PIGA: variants seen among roughly 807,000 people sequenced by gnomAD.
PIGA encodes the protein phosphatidylinositol glycan anchor biosynthesis class A.
A neutral mutation model predicts 17.1 loss-of-function variants in PIGA; 3 were observed. The ratio of observed to expected loss-of-function variants is 0.18; its 90% CI spans 0.08 to 0.45. PIGA has a LOEUF of 0.45. Ranked by LOEUF, PIGA falls within the 20% of genes least tolerant of loss-of-function variation. The pLI is 0.99. For missense variants in PIGA, 231 were observed against 374.1 expected, an observed-to-expected ratio of 0.62 and a Z score of 3.16; for synonymous variants, 126 against 135.1, an observed-to-expected ratio of 0.93 and a Z score of 0.47.
chrX:15,334,645 C>G (rs1417455069), intron 1 of PIGA, among the ~76,000 whole-genome samples: 3 of 111,793 alleles, frequency 2.7e-5, no homozygotes, highest in Non-Finnish European at 5.6e-5. Context: ...CACCTAAACC[C>G]GAACTTCCAG....
chrX:15,329,646 T>C (rs1227077038), intron 2 of PIGA, among the ~76,000 whole-genome samples: 1 of 111,540 alleles, frequency 9.0e-6, no homozygotes, highest in Non-Finnish European at 1.9e-5. Context: ...TTCCCTACTA[T>C]AAATGACACT....
chrX:15,333,403 G>A (rs1269149585), intron 1 of PIGA, among the ~76,000 whole-genome samples: 3 of 112,102 alleles, frequency 2.7e-5, no homozygotes, highest in African/African-American at 6.5e-5. Context: ...TATTTAGGCC[G>A]GGTGCGGTGG....
At position 15,321,528 on chromosome X, in the gene PIGA, T is replaced by C; in HGVS notation, c.1433A>G (p.Asn478Ser). Residue 478 changes from asparagine (N) to serine (S), a missense_variant, in exon 6 of 6, where the codon AAT (asparagine) becomes AGT (serine). By Grantham distance (46) the Asn-to-Ser change is conservative. Coordinates refer to ENST00000333590, the MANE Select transcript of PIGA (RefSeq NM_002641.4). ...CTTCTACCTGGTTTCAGATATCTCA[T>C]TATTCTCACCCCCTCTTTTACTGTG... ...YSHSKRGGEN[N>S]EISETR The C allele has an allele frequency of 8.3e-7, 1 of 1,207,561 alleles. No individual in the cohort carries two copies. Among genetic ancestry groups the C allele is most frequent in the Non-Finnish European group, 1.1e-6 (1 of 891,423 alleles).
chrX:15,321,364 A>G lies in PIGA; in HGVS notation c.*142T>C. The stretch of plus-strand genomic sequence containing the variant: ...GCATACATTTTTATCTTTCCTCAAC[A>G]GAAAATATTGAATGATATAGAGGTA... On this transcript the variant is annotated 3_prime_UTR_variant, in exon 6 of 6. Coordinates refer to ENST00000333590, the MANE Select transcript of PIGA (RefSeq NM_002641.4). The G allele has an allele frequency of 2.1e-6, 1 of 482,202 alleles. No homozygotes were observed. The highest frequency in any genetic ancestry group is 3.5e-6 in the Non-Finnish European group (1 of 282,629). 39.7% of individuals were successfully genotyped at this position (482,202 alleles called of 1,213,427 possible).
Position 15,335,483 on chromosome X carries a change from G to A in PIGA, c.-63+18C>T, listed in dbSNP as rs965585105. 5.7e-5 allele frequency: 56 copies of A among 984,317 alleles called. No homozygotes were observed. Among genetic ancestry groups the A allele is most frequent in the Middle Eastern group, 2.7e-4 (1 of 3,675 alleles). The allele number at this position is 984,317 out of a possible 1,213,427, so 81.1% of individuals were successfully genotyped here. A position where few individuals can be genotyped will look rare whatever the true frequency, so the allele number is the denominator to read the frequency against. On this transcript the variant is annotated intron_variant, in intron 1 of 5. Coordinates refer to ENST00000333590, the MANE Select transcript of PIGA (RefSeq NM_002641.4). ...GCGGCCCAGAGCGCTGGAGAGGGGC[G>A]GCGCGACGCGCACTCACCGGTGAGT... is the stretch of plus-strand genomic sequence containing the variant.
At chrX:15,322,443 G>A (rs756703907) in intron 5 of PIGA, among the ~76,000 whole-genome samples, 66 of 112,202 alleles carry the variant, frequency 5.9e-4, no homozygotes, top group African/African-American at 2.0e-3. Flanking sequence ...ATGAAATAAC[G>A]TTTTTTGCTG....
At position 15,331,392 on chromosome X, in the gene PIGA, T is replaced by C; in HGVS notation, c.539A>G (p.His180Arg). The C allele has an allele frequency of 2.5e-6, 3 of 1,210,570 alleles. No individual in the cohort carries two copies. The highest frequency in any genetic ancestry group is 3.4e-6 in the Non-Finnish European group (3 of 894,370). The change falls in exon 2 of 6, where the codon CAC (histidine) becomes CGC (arginine). Residue 180 changes from histidine (H) to arginine (R), a missense_variant. This residue lies in a region of PIGA where 83 missense variants were observed against 190.1 expected (regional missense o/e 0.44). Transcript: ENST00000333590. Reference sequence around the variant, plus strand: ...ACTAGTATAAGACACACAAATGATGTGGTTTGTATCACAAAGAGACACGGT... The same window carrying C: ...ACTAGTATAAGACACACAAATGATGCGGTTTGTATCACAAAGAGACACGGT... ...LLTVSLCDTNHIICVSYTSKE... is the reference protein window; with the variant it reads ...LLTVSLCDTNRIICVSYTSKE...
In PIGA at chrX:15,319,795, T is replaced by C. The variant is rs769661877; in HGVS notation, c.*1711A>G. On this transcript the variant is annotated 3_prime_UTR_variant, in exon 6 of 6. Coordinates refer to ENST00000333590, the MANE Select transcript of PIGA (RefSeq NM_002641.4). ...GGCAAAGGCAACTAACTTTAGATCTTATTTCCATCTCAAATAAATGACAGT... is the reference window on the plus strand; with the variant it reads ...GGCAAAGGCAACTAACTTTAGATCTCATTTCCATCTCAAATAAATGACAGT... The C allele has an allele frequency of 1.4e-4, 16 of 112,556 alleles. No individual in the cohort carries two copies. Among genetic ancestry groups the C allele is most frequent in the Non-Finnish European group, 3.0e-4 (16 of 53,338 alleles). 9.3% of individuals were successfully genotyped at this position (112,556 alleles called of 1,213,427 possible).
intron 2 of PIGA, chrX:15,328,104 A>C (rs1284769100): frequency 8.9e-6 from 1 of 111,950 alleles, no homozygotes; most frequent in Non-Finnish European, 1.9e-5. Flanking sequence ...CTTCTGATCT[A>C]CACCTAGGAT....
chrX:15,334,922 G>A (rs1490218758), intron 1 of PIGA, among the ~76,000 whole-genome samples: 2 of 112,084 alleles, frequency 1.8e-5, no homozygotes, highest in African/African-American at 6.5e-5. Flanking sequence ...TGAGTGATTT[G>A]TCCAAGGTTC....
intron 3 of PIGA, chrX:15,325,477 G>C (rs1486787503): frequency 1.9e-5 from 3 of 159,686 alleles, no homozygotes; most frequent in African/African-American, 9.2e-5. Context: ...CAGGAAAATG[G>C]CCTTTTTATT....
intron 1 of PIGA, among the ~76,000 whole-genome samples, 185 bp from the exon 2 acceptor site, chrX:15,332,177 A>G (rs958732636): frequency 8.9e-6 from 1 of 112,644 alleles, no homozygotes; most frequent in African/African-American, 3.2e-5. Context: ...CAACAAAACT[A>G]GGTTCTACCA....
chrX:15,330,634 G>A (rs186797489), intron 2 of PIGA, among the ~76,000 whole-genome samples: 14 of 110,879 alleles, frequency 1.3e-4, no homozygotes, highest in East Asian at 8.4e-4. Flanking sequence ...ACGGAGTCTC[G>A]TTATGTCGCC....
chrX:15,327,949 A>G (rs955505507), intron 2 of PIGA: 1 of 111,961 alleles, frequency 8.9e-6, no homozygotes, highest in African/African-American at 3.2e-5. Context: ...CCACCACTAT[A>G]AAAAAATTTA....
At chrX:15,326,869 G>A (rs1335233653) in intron 2 of PIGA, 2 of 112,085 alleles carry the variant, frequency 1.8e-5, no homozygotes, top group African/African-American at 6.5e-5. Context: ...CTATTAGTCT[G>A]AAAAAGTGAG....
rs1156750976 is a variant in PIGA, at chrX:15,320,158, T to G, written c.*1348A>C. On this transcript the variant is annotated 3_prime_UTR_variant, in exon 6 of 6. Coordinates refer to ENST00000333590, the MANE Select transcript of PIGA (RefSeq NM_002641.4). ...AACCAGTTAATAGGCATGTTATTTT[T>G]TAAAAAGTAATAAATTTTGTGAATG... 8.9e-6 allele frequency: 1 copy of G among 112,909 alleles called. No homozygotes were observed. Among genetic ancestry groups the G allele is most frequent in the Non-Finnish European group, 1.9e-5 (1 of 53,420 alleles). The allele number at this position is 112,909 out of a possible 1,213,427, so 9.3% of individuals were successfully genotyped here. A position where few individuals can be genotyped will look rare whatever the true frequency, so the allele number is the denominator to read the frequency against.
At chrX:15,333,418 C>T (rs764805919) in intron 1 of PIGA, among the ~76,000 whole-genome samples, 9 of 112,042 alleles carry the variant, frequency 8.0e-5, no homozygotes, top group Non-Finnish European at 1.1e-4. Flanking sequence ...CGGTGGCTCA[C>T]GCCTGTAATC....
At position 15,319,626 on chromosome X, in the gene PIGA, G is replaced by A. The variant is rs1404887900; in HGVS notation, c.*1880C>T. 1.8e-5 allele frequency: 2 copies of A among 111,894 alleles called. No individual in the cohort carries two copies. The highest frequency in any genetic ancestry group is 1.9e-4 in the Admixed American group (2 of 10,525). 9.2% of individuals were successfully genotyped at this position (111,894 alleles called of 1,213,427 possible). On this transcript the variant is annotated 3_prime_UTR_variant, in exon 6 of 6. Transcript: ENST00000333590. ...CAACTAAGTAGCAGGGTAGAGCAAT[G>A]TGTTTCCATATACCGACCAGTGCAA...
At chrX:15,323,833 A>G (rs1921890571) in intron 5 of PIGA, among the ~76,000 whole-genome samples, 1 of 111,697 alleles carries the variant, frequency 9.0e-6, no homozygotes, top group African/African-American at 3.3e-5. Flanking sequence ...ATTACTCTAA[A>G]CTACTACCTT....
Sources: gnomAD v4.1 joint callset for allele counts (sites outside exome capture counted in the v4.1 genomes callset) on GRCh38, gnomAD v4.1.1 for gene constraint, gnomAD v4.1.1 regional missense constraint, MANE v1.5 for transcripts, NCBI Gene and HGNC (gene_info 2026-07-23, HGNC 2026-07-21) for gene names.